Variants in PCDH15 observed in about 807,000 individuals in gnomAD.
The protein encoded by PCDH15 is protocadherin-15.
PCDH15 carries 129 observed loss-of-function variants against 178.5 expected under a neutral mutation model. That is an observed-to-expected ratio of 0.72 (90% CI 0.63 to 0.84). The LOEUF is 0.84. Among genes scored for constraint, PCDH15 ranks in the 40% least tolerant of loss-of-function variants. PCDH15 has a pLI of 0.00. For synonymous variants in PCDH15, 800 were observed against 732.0 expected, an observed-to-expected ratio of 1.09 and a Z score of -1.50; for missense variants, 2,230 against 2,099.9, an observed-to-expected ratio of 1.06 and a Z score of -1.21.
At chr10:55,315,039 A>G (rs1223582324) in intron 1 of PCDH15, among the ~76,000 whole-genome samples, 1 of 152,120 alleles carries the variant, frequency 6.6e-6, no homozygotes. Context: ...CACAGAAGAT[A>G]TAGTTGGTGT....
chr10:54,734,268 C>CA (rs1158951722), intron 1 of PCDH15, among the ~76,000 whole-genome samples: 1 of 151,716 alleles, frequency 6.6e-6, no homozygotes, highest in Non-Finnish European at 1.5e-5. Context: ...AGGCACTTTA[C>CA]CAAAGAAGAA....
chr10:54,624,706 G>A (rs1214932358), intron 2 of PCDH15, among the ~76,000 whole-genome samples: 4 of 152,172 alleles, frequency 2.6e-5, no homozygotes, highest in African/African-American at 9.6e-5. Flanking sequence ...CCCCATCACT[G>A]GCATTATTGC....
At chr10:54,382,894 AT>A (rs1949409734) in intron 3 of PCDH15, among the ~76,000 whole-genome samples, 1 of 152,150 alleles carries the variant, frequency 6.6e-6, no homozygotes, top group Non-Finnish European at 1.5e-5. Context: ...ATAACAGGTA[AT>A]TTACACAGGA....
intron 21 of PCDH15, among the ~76,000 whole-genome samples, chr10:53,972,848 G>A (rs1345167179): frequency 6.6e-6 from 1 of 152,164 alleles, no homozygotes; most frequent in Non-Finnish European, 1.5e-5. Context: ...TGGTGGGACA[G>A]TAAACTAGTT....
intron 1 of PCDH15, among the ~76,000 whole-genome samples, chr10:54,733,736 G>A (rs191405108): frequency 2.9e-4 from 44 of 151,436 alleles, no homozygotes; most frequent in Admixed American, 1.9e-3. Flanking sequence ...TATTTTATTG[G>A]CAAATGGGTA....
At chr10:55,192,078 C>T (rs903040723) in intron 1 of PCDH15, among the ~76,000 whole-genome samples, 1 of 151,814 alleles carries the variant, frequency 6.6e-6, no homozygotes, top group African/African-American at 2.4e-5. Context: ...ATTTCCATAG[C>T]CTATGGATAT....
chr10:54,135,574 C>T (rs957614547), intron 14 of PCDH15, among the ~76,000 whole-genome samples: 6 of 152,188 alleles, frequency 3.9e-5, no homozygotes, highest in African/African-American at 1.4e-4. Context: ...GAAGCAGCCC[C>T]AAGATGTAAA....
chr10:55,021,656 A>G (rs1840332238), intron 2 of PCDH15, among the ~76,000 whole-genome samples: 1 of 152,204 alleles, frequency 6.6e-6, no homozygotes, highest in African/African-American at 2.4e-5. Context: ...AAACAATAGC[A>G]TAAATGTCTG....
intron 6 of PCDH15, among the ~76,000 whole-genome samples, chr10:54,337,484 G>A (rs1941413170): frequency 6.6e-6 from 1 of 152,058 alleles, no homozygotes; most frequent in Non-Finnish European, 1.5e-5. Flanking sequence ...GTGGAACTGT[G>A]GGTCCATTAA....
chr10:54,968,579 T>G (rs1838854141), intron 2 of PCDH15, among the ~76,000 whole-genome samples: 1 of 152,168 alleles, frequency 6.6e-6, no homozygotes, highest in Non-Finnish European at 1.5e-5. Context: ...TCTTTGGCTT[T>G]GAAAATTTTT....
chr10:53,896,213 A>G, intron 26 of PCDH15, among the ~76,000 whole-genome samples: 1 of 152,174 alleles, frequency 6.6e-6, no homozygotes, highest in East Asian at 1.9e-4. Flanking sequence ...CACAGTTATT[A>G]TTATGAATTA....
intron 15 of PCDH15, among the ~76,000 whole-genome samples, chr10:54,109,384 T>G (rs1327811217): frequency 6.6e-6 from 1 of 152,060 alleles, no homozygotes; most frequent in Non-Finnish European, 1.5e-5. Flanking sequence ...CACTGAAGAA[T>G]AAAACTAGAC....
chr10:55,377,280 C>A (rs982675277), intron 2 of PCDH15, among the ~76,000 whole-genome samples: 1 of 151,708 alleles, frequency 6.6e-6, no homozygotes, highest in African/African-American at 2.4e-5. Context: ...AGCAGTTTGA[C>A]TTGCTATATG....
At chr10:54,764,666 C>T (rs1242953598) in intron 1 of PCDH15, among the ~76,000 whole-genome samples, 1 of 151,890 alleles carries the variant, frequency 6.6e-6, no homozygotes, top group Non-Finnish European at 1.5e-5. Flanking sequence ...ATACGATAGA[C>T]CAAGGAAAAA....
Position 55,621,916 on chromosome 10 carries a change from TGAG to T in PCDH15, c.-156+5706_-156+5708del, listed in dbSNP as rs1589193332. Among the ~76,000 whole-genome samples the T allele has an allele frequency of 2.7e-5, 4 of 149,140 alleles. No homozygotes were observed. In the East Asian group the frequency reaches 7.8e-4, roughly 29 times the overall value. ...TCTGATTTGAAGAATGTATAAAAAA[TGAG>T]GAAACGACATTGAAACCCTTTTTAA... On this transcript the variant is annotated intron_variant, in intron 2 of 5. Coordinates refer to the PCDH15 transcript ENST00000613346.
intron 1 of PCDH15, among the ~76,000 whole-genome samples, chr10:55,242,332 C>T (rs563365613): frequency 1.3e-5 from 2 of 152,180 alleles, no homozygotes; most frequent in South Asian, 4.1e-4. Context: ...AACTATAATA[C>T]TGTGTGTACT....
chr10:54,939,156 C>G (rs1244172778), intron 2 of PCDH15, among the ~76,000 whole-genome samples: 1 of 151,908 alleles, frequency 6.6e-6, no homozygotes, highest in Non-Finnish European at 1.5e-5. Context: ...CTTATTGAGT[C>G]AGTTTCAGTA....
Position 55,489,290 on chromosome 10 carries a change from AAT to A in PCDH15, c.-156+138333_-156+138334del, listed in dbSNP as rs1196298038. Among the ~76,000 whole-genome samples, 19 of 151,694 alleles carry A rather than the reference AAT, an allele frequency of 1.3e-4. No individual in the cohort carries two copies. The East Asian group carries it at 3.3e-3, about 26-fold the overall frequency. ...CAGAGTTTTATTTCTGCCAATAGTA[AAT>A]GTGTCAGAAATATAACAGGTTAGTC... On this transcript the variant is annotated intron_variant, in intron 2 of 5. Transcript: ENST00000613346.
chr10:54,990,129 T>C (rs960500880), intron 2 of PCDH15, among the ~76,000 whole-genome samples: 1 of 152,166 alleles, frequency 6.6e-6, no homozygotes, highest in Non-Finnish European at 1.5e-5. Context: ...CAGTCTCTGG[T>C]ATGCCTTTAT....
Sources: allele counts gnomAD v4.1 joint callset (sites outside exome capture counted in the v4.1 genomes callset), GRCh38; gene constraint gnomAD v4.1.1; transcripts MANE v1.5; gene names NCBI Gene and HGNC (gene_info 2026-07-23, HGNC 2026-07-21).